LRRTM4: variants seen among roughly 807,000 people sequenced by gnomAD.
LRRTM4 encodes leucine rich repeat transmembrane neuronal 4.
In LRRTM4, 25 loss-of-function variants were observed where a neutral mutation model predicts 47.6. That is an observed-to-expected ratio of 0.53 (90% CI 0.38 to 0.73). The LOEUF is 0.73. Among genes scored for constraint, LRRTM4 ranks in the 30% least tolerant of loss-of-function variants. The pLI, the probability that LRRTM4 is intolerant of heterozygous loss-of-function variation, is 0.00. For missense variants in LRRTM4, 638 were observed against 713.4 expected (o/e 0.89, Z 1.20); for synonymous variants, 311 against 269.5 (o/e 1.15, Z -1.51).
At chr2:77,483,531 G>C (rs1027305954) in intron 3 of LRRTM4, among the ~76,000 whole-genome samples, 2 of 152,124 alleles carry the variant, frequency 1.3e-5, no homozygotes, top group Non-Finnish European at 2.9e-5. Flanking sequence ...AGTAGAGACG[G>C]AGTTTCACCA....
intron 3 of LRRTM4, among the ~76,000 whole-genome samples, chr2:77,042,113 G>C (rs1679054781): frequency 6.6e-6 from 1 of 151,326 alleles, no homozygotes; most frequent in Middle Eastern, 3.2e-3. Context: ...TTCTGAATAA[G>C]GCCTATGGTT....
intron 3 of LRRTM4, among the ~76,000 whole-genome samples, chr2:76,781,415 C>T (rs375118041): frequency 1.1e-3 from 163 of 152,364 alleles, no homozygotes; most frequent in South Asian, 6.4e-3. Flanking sequence ...ACTCCGTGGG[C>T]GTAGGACCCT....
intron 3 of LRRTM4, chr2:76,773,060 G>A (rs567876473): frequency 2.0e-5 from 3 of 152,252 alleles, no homozygotes; most frequent in Admixed American, 2.0e-4. Flanking sequence ...CCAAGGATAA[G>A]GAGTACTATT....
chr2:77,510,787 A>T (rs1678954022), intron 3 of LRRTM4, among the ~76,000 whole-genome samples: 2 of 152,048 alleles, frequency 1.3e-5, no homozygotes, highest in Non-Finnish European at 2.9e-5. Flanking sequence ...TTTAGTTTTT[A>T]AATCAATGAT....
intron 3 of LRRTM4, among the ~76,000 whole-genome samples, chr2:77,074,887 T>A (rs757861622): frequency 2.0e-5 from 3 of 150,088 alleles, no homozygotes; most frequent in African/African-American, 7.5e-5. Context: ...ACCAGTTACA[T>A]TGGCAGAGGT....
intron 3 of LRRTM4, among the ~76,000 whole-genome samples, chr2:77,187,320 C>T (rs924770636): frequency 6.6e-6 from 1 of 152,108 alleles, no homozygotes; most frequent in Non-Finnish European, 1.5e-5. Context: ...TCTGTGCCCT[C>T]ACTGTATCAC....
At chr2:77,318,661 T>A (rs1458750820) in intron 3 of LRRTM4, among the ~76,000 whole-genome samples, 1 of 152,204 alleles carries the variant, frequency 6.6e-6, no homozygotes, top group African/African-American at 2.4e-5. Flanking sequence ...AGTTCATTTA[T>A]GTGGCATGAA....
intron 3 of LRRTM4, among the ~76,000 whole-genome samples, chr2:76,938,356 T>C (rs1675027532): frequency 2.6e-5 from 4 of 151,520 alleles, no homozygotes; most frequent in South Asian, 2.1e-4. Context: ...AAAAATATTA[T>C]GATGTATTTT....
chr2:77,147,533 T>C (rs551136995), intron 3 of LRRTM4, among the ~76,000 whole-genome samples: 13 of 152,274 alleles, frequency 8.5e-5, no homozygotes, highest in African/African-American at 3.1e-4. Context: ...TTAACTTGGG[T>C]TTGCATTTTC....
chr2:77,348,714 T>A, intron 3 of LRRTM4, among the ~76,000 whole-genome samples: 1 of 150,684 alleles, frequency 6.6e-6, no homozygotes, highest in African/African-American at 2.4e-5. Flanking sequence ...TGAACACAAA[T>A]AAATAAATTA....
At chr2:77,198,572 G>A (rs148089453) in intron 3 of LRRTM4, among the ~76,000 whole-genome samples, 199 of 152,222 alleles carry the variant, frequency 1.3e-3, no homozygotes, top group African/African-American at 4.5e-3. Flanking sequence ...TTTCTATTTG[G>A]AGATAAAGGA....
chr2:76,896,499 A>T (rs1356407010), intron 3 of LRRTM4, among the ~76,000 whole-genome samples: 1 of 152,076 alleles, frequency 6.6e-6, no homozygotes, highest in African/African-American at 2.4e-5. Flanking sequence ...CATGTGGCTT[A>T]TGTCAGAAGC....
intron 3 of LRRTM4, among the ~76,000 whole-genome samples, chr2:77,276,854 C>G (rs2104088271): frequency 6.6e-6 from 1 of 151,154 alleles, no homozygotes; most frequent in East Asian, 2.0e-4. Context: ...GTTCAGAAGA[C>G]AGGAGAGCTT....
intron 3 of LRRTM4, among the ~76,000 whole-genome samples, chr2:77,352,534 G>T (rs905939687): frequency 1.3e-5 from 2 of 152,082 alleles, no homozygotes; most frequent in African/African-American, 4.8e-5. Context: ...GGACATAGTT[G>T]TAATCAGAAG....
intron 3 of LRRTM4, among the ~76,000 whole-genome samples, chr2:77,451,230 T>G (rs978414208): frequency 4.6e-5 from 7 of 152,184 alleles, no homozygotes; most frequent in African/African-American, 1.7e-4. Context: ...TTCTATGTAT[T>G]TCATTGTTAG....
chr2:76,855,030 A>G (rs950193787), intron 3 of LRRTM4, among the ~76,000 whole-genome samples: 4 of 152,204 alleles, frequency 2.6e-5, no homozygotes, highest in South Asian at 2.1e-4. Context: ...GGACGCATTG[A>G]GTCAGTGACA....
At chr2:77,316,439 A>C (rs901907342) in intron 3 of LRRTM4, among the ~76,000 whole-genome samples, 3 of 152,214 alleles carry the variant, frequency 2.0e-5, no homozygotes, top group African/African-American at 7.2e-5. Flanking sequence ...AGTTTTAAAC[A>C]ATCCATGTGA....
chr2:77,330,093 G>T (rs1017351371), intron 3 of LRRTM4, among the ~76,000 whole-genome samples: 2 of 152,088 alleles, frequency 1.3e-5, no homozygotes, highest in African/African-American at 2.4e-5. Context: ...CACTTGATTT[G>T]GCTGGAACCT....
At position 76,899,659 on chromosome 2, in the gene LRRTM4, T is replaced by C. The variant is rs1673554406; in HGVS notation, c.1552-150743A>G. Among the ~76,000 whole-genome samples the C allele has an allele frequency of 5.3e-5, 8 of 152,044 alleles. No individual in the cohort carries two copies. In the South Asian group the frequency reaches 1.7e-3, roughly 32 times the overall value. ...AAGGCAGGAAAAAGTAATAGAAAAA[T>C]TATTAAAACTATGGATGGAATTACT... On this transcript the variant is annotated intron_variant, in intron 3 of 3. Coordinates refer to ENST00000409884, the MANE Select transcript of LRRTM4 (RefSeq NM_001134745.3).
Sources: allele counts gnomAD v4.1 joint callset (sites outside exome capture counted in the v4.1 genomes callset), GRCh38; gene constraint gnomAD v4.1.1; transcripts MANE v1.5; gene names NCBI Gene and HGNC (gene_info 2026-07-23, HGNC 2026-07-21).